The following NCKAP1L variants were observed in gnomAD, a reference collection of about 807,000 sequenced individuals.
NCKAP1L encodes the protein NCK associated protein 1 like.
Under a neutral mutation model 139.2 loss-of-function variants are expected in NCKAP1L, and 53 were observed. The ratio of observed to expected loss-of-function variants is 0.38; its 90% confidence interval spans 0.31 to 0.48. The LOEUF is 0.48. Ranked by LOEUF, NCKAP1L falls within the 20% of genes least tolerant of loss-of-function variation. The pLI is 0.98. For synonymous variants in NCKAP1L, 468 were observed against 499.7 expected (o/e 0.94, Z 0.85); for missense variants, 1,151 against 1,381.9 (o/e 0.83, Z 2.65).
intron 26 of NCKAP1L, 146 bp from the exon 27 acceptor site, chr12:54,534,958 G>T: frequency 1.9e-6 from 1 of 518,968 alleles, no homozygotes; most frequent in Non-Finnish European, 3.3e-6. Context: ...ACAAAATAGC[G>T]AGACTCTCTC....
intron 9 of NCKAP1L, chr12:54,512,587 G>A (rs1227330989): frequency 1.3e-5 from 2 of 154,250 alleles, no homozygotes; most frequent in South Asian, 2.0e-4. Flanking sequence ...TACTGCTCTC[G>A]AGGAATCTAT....
chr12:54,530,738 C>T (rs145550253), intron 22 of NCKAP1L, among the ~76,000 whole-genome samples: 1 of 152,298 alleles, frequency 6.6e-6, no homozygotes, highest in African/African-American at 2.4e-5. Context: ...CTTCCTATGC[C>T]ACATAATTCA....
Position 54,542,739 on chromosome 12 carries a change from T to C in NCKAP1L, c.*54T>C. On this transcript the variant is annotated 3_prime_UTR_variant, in exon 31 of 31. Transcript: ENST00000293373. ...TTTGGACCTTCCTAAACCCTTGCCA[T>C]AGTGGAAGCTGTGGTCACTTTCGCA... 1 of 1,255,076 alleles carries C rather than the reference T, an allele frequency of 8.0e-7. No homozygotes were observed. The highest frequency in any genetic ancestry group is 1.2e-6 in the Non-Finnish European group (1 of 857,418). 77.7% of individuals were successfully genotyped at this position (1,255,076 alleles called of 1,614,324 possible). A position where few individuals can be genotyped will look rare whatever the true frequency, so the allele number is the denominator to read the frequency against.
intron 18 of NCKAP1L, among the ~76,000 whole-genome samples, chr12:54,521,965 C>T (rs1453676030): frequency 2.0e-5 from 3 of 151,610 alleles, no homozygotes; most frequent in African/African-American, 7.3e-5. Flanking sequence ...TTTTCATATG[C>T]AAATTACATA....
At position 54,519,336 on chromosome 12, in the gene NCKAP1L, T is replaced by G; in HGVS notation, c.1625+4T>G. On this transcript the variant is annotated splice_donor_region_variant and intron_variant, in intron 16 of 30. Transcript: ENST00000293373. ...CTTCTGATCTGTCTACTTTCTGGTA[T>G]GTCTTGGTTCAGAGCTCTCTTTAAA... is the stretch of plus-strand genomic sequence containing the variant. The G allele has an allele frequency of 6.4e-7, 1 of 1,558,564 alleles. No homozygotes were observed. The highest frequency in any genetic ancestry group is 8.6e-7 in the Non-Finnish European group (1 of 1,163,116).
intron 26 of NCKAP1L, among the ~76,000 whole-genome samples, chr12:54,533,778 CAGGCTTGTCTCCAACTCCTGG>C (rs1957092469): frequency 6.6e-6 from 1 of 152,116 alleles, no homozygotes; most frequent in Non-Finnish European, 1.5e-5. Flanking sequence ...CCAGGTTGGC[CAGGCTTGTCTCCAACTCCTGG>C]ACTCAAGTGA....
At chr12:54,525,068 T>C (rs1957016512) in intron 20 of NCKAP1L, among the ~76,000 whole-genome samples, 2 of 152,154 alleles carry the variant, frequency 1.3e-5, no homozygotes, top group African/African-American at 4.8e-5. Flanking sequence ...TCTGCAGCAC[T>C]ATGAGCCTGG....
rs1412625114 is a variant in NCKAP1L, at chr12:54,545,975, A to C, written c.*3290A>C. ...CTGGGTGTGGTGGCTCACCCCTGTA[A>C]TCCCAGCACTTTGGGAGGCAGGCGG... On this transcript the variant is annotated 3_prime_UTR_variant, in exon 31 of 31. Coordinates refer to ENST00000293373, the MANE Select transcript of NCKAP1L (RefSeq NM_005337.5). The C allele has an allele frequency of 6.6e-6, 1 of 152,254 alleles. No homozygotes were observed. Among genetic ancestry groups the C allele is most frequent in the Non-Finnish European group, 1.5e-5 (1 of 68,074 alleles). The allele number at this position is 152,254 out of a possible 1,614,324, so 9.4% of individuals were successfully genotyped here. A position where few individuals can be genotyped will look rare whatever the true frequency, so the allele number is the denominator to read the frequency against.
chr12:54,513,479 C>A (rs1372486189), intron 9 of NCKAP1L, among the ~76,000 whole-genome samples: 1 of 151,962 alleles, frequency 6.6e-6, no homozygotes, highest in Non-Finnish European at 1.5e-5. Flanking sequence ...GGAGTGAGAA[C>A]AGAATGGGAA....
chr12:54,499,487 C>G (rs1263142237), intron 2 of NCKAP1L, 22 bp downstream of exon 2: 3 of 1,323,132 alleles, frequency 2.3e-6, no homozygotes, highest in Non-Finnish European at 3.3e-6. Flanking sequence ...GTCCTTCTCT[C>G]CTTTCTCTGA....
At chr12:54,507,661 A>T (rs2120891653) in intron 3 of NCKAP1L, among the ~76,000 whole-genome samples, 192 bp from the exon 4 acceptor site, 1 of 152,306 alleles carries the variant, frequency 6.6e-6, no homozygotes, top group East Asian at 1.9e-4. Flanking sequence ...GGCATTTGGC[A>T]GTGTAGGTCA....
intron 3 of NCKAP1L, among the ~76,000 whole-genome samples, chr12:54,506,790 A>AT (rs1165268195): frequency 7.3e-5 from 2 of 27,550 alleles, no homozygotes; most frequent in African/African-American, 5.5e-4. Context: ...CATATTAAAA[A>AT]AAAAAAATAT....
Position 54,542,737 on chromosome 12 carries a change from C to T in NCKAP1L, c.*52C>T, listed in dbSNP as rs780156119. ...CCTTTGGACCTTCCTAAACCCTTGCCATAGTGGAAGCTGTGGTCACTTTCG... is the reference window on the plus strand; with the variant it reads ...CCTTTGGACCTTCCTAAACCCTTGCTATAGTGGAAGCTGTGGTCACTTTCG... On this transcript the variant is annotated 3_prime_UTR_variant, in exon 31 of 31. Coordinates refer to ENST00000293373, the MANE Select transcript of NCKAP1L (RefSeq NM_005337.5). The T allele has an allele frequency of 4.6e-6, 4 of 874,740 alleles. No individual in the cohort carries two copies. The highest frequency in any genetic ancestry group is 2.5e-4 in the Middle Eastern group (1 of 3,950). The allele number at this position is 874,740 out of a possible 1,614,324, so 54.2% of individuals were successfully genotyped here.
chr12:54,504,572 C>T (rs1320600622), intron 3 of NCKAP1L, among the ~76,000 whole-genome samples: 1 of 152,108 alleles, frequency 6.6e-6, no homozygotes, highest in Non-Finnish European at 1.5e-5. Flanking sequence ...GTTCTGAGCC[C>T]AAGGTGTTTG....
intron 16 of NCKAP1L, 64 bp downstream of exon 16, chr12:54,519,396 C>T: frequency 8.3e-7 from 1 of 1,209,776 alleles, no homozygotes; most frequent in East Asian, 2.8e-5. Context: ...TTTTTTTCTC[C>T]ATTATGCCAC....
At chr12:54,535,218 C>A in intron 27 of NCKAP1L, 21 bp downstream of exon 27, 1 of 1,590,636 alleles carries the variant, frequency 6.3e-7, no homozygotes, top group Non-Finnish European at 8.6e-7. Context: ...GGAAAGGGGG[C>A]GAGATTTGGG....
In NCKAP1L at chr12:54,518,006, C is replaced by T. The variant is rs945212455; in HGVS notation, c.1338+68C>T. The T allele has an allele frequency of 7.7e-5, 121 of 1,573,234 alleles. No homozygotes were observed. In the African/African-American group the frequency reaches 1.4e-3, roughly 18 times the overall value. ...TCCCTAGTGATTTTCCTATTGAAAC[C>T]ACTCTGGCTGAATCTCATGCTCTGT... On this transcript the variant is annotated intron_variant, in intron 13 of 30. Transcript: ENST00000293373.
chr12:54,528,417 C>T, intron 22 of NCKAP1L, 40 bp downstream of exon 22: 1 of 1,602,136 alleles, frequency 6.2e-7, no homozygotes, highest in South Asian at 1.1e-5. Flanking sequence ...GGAGCTGAGC[C>T]CTTCCTTCAA....
At position 54,525,018 on chromosome 12, in the gene NCKAP1L, A is replaced by G. The variant is rs146217518; in HGVS notation, c.2156+1062A>G. Among the ~76,000 whole-genome samples, 80 of 152,340 alleles carry G rather than the reference A, an allele frequency of 5.3e-4. 2 individuals carry two copies. The highest frequency in any genetic ancestry group is 3.4e-3 in the Middle Eastern group (1 of 294). On this transcript the variant is annotated intron_variant, in intron 20 of 30. Transcript: ENST00000293373. Reference sequence around the variant, plus strand: ...AGTGCAAAGGCTCTGAGGTTCGAACATGCCTTCTAGGTTCAAGGGACATGG... The same window carrying G: ...AGTGCAAAGGCTCTGAGGTTCGAACGTGCCTTCTAGGTTCAAGGGACATGG...
Sources: gnomAD v4.1 joint callset for allele counts (sites outside exome capture counted in the v4.1 genomes callset) on GRCh38, gnomAD v4.1.1 for gene constraint, MANE v1.5 for transcripts, NCBI Gene and HGNC (gene_info 2026-07-23, HGNC 2026-07-21) for gene names.